The following MGAT4C variants were observed in gnomAD, a reference collection of about 807,000 sequenced individuals.
MGAT4C encodes alpha-1,3-mannosyl-glycoprotein 4-beta-N-acetylglucosaminyltransferase C.
In MGAT4C, 19 loss-of-function variants were observed where a neutral mutation model predicts 40.1. The ratio of observed to expected loss-of-function variants is 0.47; its 90% CI spans 0.33 to 0.70. The LOEUF is 0.70. Among genes scored for constraint, MGAT4C ranks in the 30% least tolerant of loss-of-function variants. The probability of loss-of-function intolerance (pLI) is 0.02; values close to 1 mark genes in which losing one functional copy is unlikely to be tolerated. For synonymous variants in MGAT4C, 181 were observed against 187.1 expected (o/e 0.97, Z 0.27); for missense variants, 491 against 563.2 (o/e 0.87, Z 1.30).
At chr12:86,169,322 A>G (rs1255705456) in intron 1 of MGAT4C, among the ~76,000 whole-genome samples, 1 of 152,086 alleles carries the variant, frequency 6.6e-6, no homozygotes, top group Non-Finnish European at 1.5e-5. Context: ...GTTGAGTCTT[A>G]CCTTTCTTCT....
chr12:86,777,592 C>T (rs1951767879), intron 1 of MGAT4C, among the ~76,000 whole-genome samples: 1 of 152,142 alleles, frequency 6.6e-6, no homozygotes, highest in South Asian at 2.1e-4. Flanking sequence ...TAGTCTTTGG[C>T]ACAGAGTTTC....
At chr12:86,216,002 T>A (rs982048676) in intron 1 of MGAT4C, among the ~76,000 whole-genome samples, 10 of 152,086 alleles carry the variant, frequency 6.6e-5, no homozygotes, top group African/African-American at 2.4e-4. Flanking sequence ...AATAACTGGA[T>A]CGAATCCAGA....
rs532470718 is a variant in MGAT4C at position 86,751,962 on chromosome 12, A to G, written c.-261-24721T>C. Among the ~76,000 whole-genome samples the G allele has an allele frequency of 8.5e-5, 13 of 152,100 alleles. No individual in the cohort carries two copies. In the East Asian group the frequency reaches 2.3e-3, roughly 27 times the overall value. ...TGATATAAACCATATATTCAATAAC[A>G]TGTTTTAAGATATGAAGAATAAATG... On this transcript the variant is annotated intron_variant, in intron 1 of 7. Transcript: ENST00000548651.
At chr12:86,010,067 G>T (rs548211132) in intron 2 of MGAT4C, among the ~76,000 whole-genome samples, 1 of 152,272 alleles carries the variant, frequency 6.6e-6, no homozygotes, top group South Asian at 2.1e-4. Flanking sequence ...AGGGAATATG[G>T]TGTAAGAATA....
At chr12:86,423,928 T>C (rs1373136375) in intron 3 of MGAT4C, among the ~76,000 whole-genome samples, 1 of 152,188 alleles carries the variant, frequency 6.6e-6, no homozygotes, top group Non-Finnish European at 1.5e-5. Context: ...GGGTAGGACA[T>C]AGGGAAAATA....
intron 1 of MGAT4C, among the ~76,000 whole-genome samples, chr12:86,124,527 CT>C (rs1258512107): frequency 6.6e-6 from 1 of 152,030 alleles, no homozygotes; most frequent in African/African-American, 2.4e-5. Context: ...AAGTCCCATC[CT>C]GGTAAAGCTC....
intron 2 of MGAT4C, among the ~76,000 whole-genome samples, chr12:86,479,930 CTTAT>C (rs1565789905): frequency 6.6e-6 from 1 of 151,780 alleles, no homozygotes; most frequent in Non-Finnish European, 1.5e-5. Flanking sequence ...CTTTTTAATA[CTTAT>C]TATTATCATT....
chr12:86,229,533 T>C (rs1036300049), intron 1 of MGAT4C, among the ~76,000 whole-genome samples: 1 of 152,058 alleles, frequency 6.6e-6, no homozygotes, highest in African/African-American at 2.4e-5. Context: ...TTCTAATTCT[T>C]AGTTTACATT....
At chr12:86,424,750 C>T (rs1956893087) in intron 3 of MGAT4C, among the ~76,000 whole-genome samples, 1 of 152,038 alleles carries the variant, frequency 6.6e-6, no homozygotes. Flanking sequence ...GGAGGTACTA[C>T]TAAAAATATA....
intron 1 of MGAT4C, among the ~76,000 whole-genome samples, chr12:86,241,727 A>G (rs1951797043): frequency 6.6e-6 from 1 of 152,156 alleles, no homozygotes; most frequent in East Asian, 1.9e-4. Flanking sequence ...TGACTGCTTT[A>G]TGTGGGAAAG....
intron 3 of MGAT4C, among the ~76,000 whole-genome samples, chr12:86,357,615 A>G (rs564230210): frequency 6.6e-6 from 1 of 152,318 alleles, no homozygotes; most frequent in Admixed American, 6.5e-5. Context: ...TAGAAGGAAC[A>G]GTGTAGAGAA....
At position 86,201,087 on chromosome 12, in the gene MGAT4C, A is replaced by T. The variant is rs1167904581; in HGVS notation, c.-57+55152T>A. Among the ~76,000 whole-genome samples the T allele has an allele frequency of 2.0e-5, 3 of 152,342 alleles. No individual in the cohort carries two copies. In the East Asian group the frequency reaches 5.8e-4, roughly 29 times the overall value. On this transcript the variant is annotated intron_variant, in intron 1 of 4. Transcript: ENST00000611864. ...CCACCCTGTGATATTTTATTATGAA[A>T]GCCCTAGTAGACTAATACAGATTTT...
chr12:86,748,862 G>A (rs1337066851), intron 1 of MGAT4C, among the ~76,000 whole-genome samples: 1 of 151,124 alleles, frequency 6.6e-6, no homozygotes, highest in African/African-American at 2.4e-5. Flanking sequence ...GAAGCTAGTA[G>A]GTGTTCACAA....
At chr12:86,395,150 T>C (rs1463417647) in intron 3 of MGAT4C, among the ~76,000 whole-genome samples, 1 of 152,086 alleles carries the variant, frequency 6.6e-6, no homozygotes, top group Non-Finnish European at 1.5e-5. Flanking sequence ...ACATAATAAA[T>C]GACTTTAAGG....
rs182972322 is a variant in MGAT4C at position 86,761,641 on chromosome 12, C to T, written c.-261-34400G>A. 6.8e-4 allele frequency among the ~76,000 whole-genome samples: 103 copies of T among 152,130 alleles called. 1 individual carries two copies. Among genetic ancestry groups the T allele is most frequent in the African/African-American group, 1.4e-3 (60 of 41,456 alleles). ...TGGTCAGGAGAAGGCTGGTTCCTTT[C>T]GGATGCTCTCATGGGAGAATTAATT... On this transcript the variant is annotated intron_variant, in intron 1 of 7. Transcript: ENST00000548651.
At chr12:86,208,165 T>C (rs1474235062) in intron 1 of MGAT4C, among the ~76,000 whole-genome samples, 2 of 152,160 alleles carry the variant, frequency 1.3e-5, no homozygotes, top group South Asian at 2.1e-4. Context: ...GCCTTTACTT[T>C]AGAAAACCTG....
intron 2 of MGAT4C, among the ~76,000 whole-genome samples, chr12:86,518,533 G>A (rs1592944446): frequency 6.6e-6 from 1 of 152,090 alleles, no homozygotes; most frequent in Non-Finnish European, 1.5e-5. Flanking sequence ...AAATTCAATA[G>A]CAAATATTGA....
chr12:86,623,675 T>G (rs554440209), intron 2 of MGAT4C, among the ~76,000 whole-genome samples: 1 of 152,270 alleles, frequency 6.6e-6, no homozygotes, highest in East Asian at 1.9e-4. Context: ...ATCTGAAAAT[T>G]TGTTTGTCCA....
At chr12:86,798,412 C>T (rs1156253982) in intron 1 of MGAT4C, among the ~76,000 whole-genome samples, 1 of 151,860 alleles carries the variant, frequency 6.6e-6, no homozygotes. Context: ...GTGTTACTAC[C>T]TCAGGAATCA....
Sources: gnomAD v4.1 joint callset for allele counts (sites outside exome capture counted in the v4.1 genomes callset) on GRCh38, gnomAD v4.1.1 for gene constraint, MANE v1.5 for transcripts, NCBI Gene and HGNC (gene_info 2026-07-23, HGNC 2026-07-21) for gene names.